The following XXYLT1 variants were observed in gnomAD, a reference collection of about 807,000 sequenced individuals.
The protein encoded by XXYLT1 is xyloside xylosyltransferase 1.
In XXYLT1, 20 loss-of-function variants were observed where a neutral mutation model predicts 28.9. That is an observed-to-expected ratio of 0.69 (90% CI 0.49 to 1.00). XXYLT1 has a LOEUF of 1.00. Ranked by LOEUF, XXYLT1 falls within the 50% of genes least tolerant of loss-of-function variation. The pLI is 0.00. For synonymous variants in XXYLT1, 257 were observed against 253.8 expected (o/e 1.01, Z -0.12); for missense variants, 542 against 560.1 (o/e 0.97, Z 0.33).
chr3:195,113,198 G>A (rs1394793052), intron 3 of XXYLT1, among the ~76,000 whole-genome samples: 1 of 152,294 alleles, frequency 6.6e-6, no homozygotes, highest in African/African-American at 2.4e-5. Context: ...CAGTAAGGAT[G>A]GAGCCGCCTC....
intron 1 of XXYLT1, among the ~76,000 whole-genome samples, chr3:195,265,274 G>A (rs1329143638): frequency 6.6e-6 from 1 of 151,808 alleles, no homozygotes; most frequent in Non-Finnish European, 1.5e-5. Flanking sequence ...GGAGGCTGAG[G>A]CAGGAGAATC....
chr3:195,198,709 AAC>A (rs1261179829), intron 2 of XXYLT1, among the ~76,000 whole-genome samples: 1 of 152,168 alleles, frequency 6.6e-6, no homozygotes, highest in Non-Finnish European at 1.5e-5. Context: ...ACTATTATGC[AAC>A]ACACAACAAA....
chr3:195,262,861 C>A (rs1399129784), intron 1 of XXYLT1, among the ~76,000 whole-genome samples: 3 of 152,178 alleles, frequency 2.0e-5, no homozygotes, highest in African/African-American at 7.2e-5. Flanking sequence ...AAAAGAATGC[C>A]ACTGTTAAAT....
chr3:195,236,713 G>A (rs1409157152), intron 1 of XXYLT1, among the ~76,000 whole-genome samples: 1 of 152,042 alleles, frequency 6.6e-6, no homozygotes, highest in East Asian at 1.9e-4. Flanking sequence ...CCCATCTGAA[G>A]CCAGCAGGTC....
intron 1 of XXYLT1, among the ~76,000 whole-genome samples, chr3:195,232,842 T>A (rs1041621718): frequency 6.6e-6 from 1 of 152,248 alleles, no homozygotes; most frequent in African/African-American, 2.4e-5. Flanking sequence ...AGCAGAAGAA[T>A]GTGTATTCTG....
chr3:195,112,293 G>C (rs913114655), intron 3 of XXYLT1, among the ~76,000 whole-genome samples: 5 of 152,130 alleles, frequency 3.3e-5, no homozygotes, highest in Admixed American at 1.3e-4. Context: ...CTGATGCTTT[G>C]GGGTTCGCAA....
rs999926551 is a variant in XXYLT1 at position 195,270,924 on chromosome 3, C to T, written c.135G>A (p.Arg45=). 4.0e-6 allele frequency: 6 copies of T among 1,486,640 alleles called. No homozygotes were observed. The highest frequency in any genetic ancestry group is 5.4e-6 in the Non-Finnish European group (6 of 1,120,750). 92.1% of individuals were successfully genotyped at this position (1,486,640 alleles called of 1,614,324 possible). ...VCAFYYLGSG[R]ETFSSATKRL... Reference sequence around the variant, plus strand: ...TCTTGGTGGCGCTGGAGAAGGTCTCCCGGCCTGAGCCGAGGTAGTAGAAGG... The same window carrying T: ...TCTTGGTGGCGCTGGAGAAGGTCTCTCGGCCTGAGCCGAGGTAGTAGAAGG... The change falls in exon 1 of 4, where the codon CGG becomes CGA. Residue 45 remains arginine (R), a synonymous_variant. Coordinates refer to ENST00000310380, the MANE Select transcript of XXYLT1 (RefSeq NM_152531.5).
intron 3 of XXYLT1, chr3:195,087,375 A>C (rs1715790887): frequency 6.6e-6 from 1 of 152,308 alleles, no homozygotes; most frequent in Admixed American, 6.5e-5. Context: ...AAATCTCTTG[A>C]AAATCTGCTG....
At chr3:195,101,543 T>C (rs1207224762) in intron 3 of XXYLT1, among the ~76,000 whole-genome samples, 1 of 152,234 alleles carries the variant, frequency 6.6e-6, no homozygotes, top group African/African-American at 2.4e-5. Flanking sequence ...TACTACATAT[T>C]TCAGTGAGAT....
intron 3 of XXYLT1, among the ~76,000 whole-genome samples, chr3:195,082,472 C>A (rs1376884397): frequency 2.0e-5 from 3 of 152,180 alleles, no homozygotes; most frequent in Admixed American, 6.5e-5. Context: ...CCCTGTGTCC[C>A]TGGGACTTCC....
intron 2 of XXYLT1, among the ~76,000 whole-genome samples, chr3:195,224,484 G>C (rs1723963718): frequency 6.6e-6 from 1 of 152,222 alleles, no homozygotes; most frequent in Non-Finnish European, 1.5e-5. Context: ...GAGCTTAGGA[G>C]CTCCCTAACT....
intron 3 of XXYLT1, among the ~76,000 whole-genome samples, chr3:195,099,476 G>A (rs917043762): frequency 6.6e-6 from 1 of 152,192 alleles, no homozygotes; most frequent in African/African-American, 2.4e-5. Context: ...TAATAAAGGT[G>A]TTCACAAGCC....
intron 3 of XXYLT1, among the ~76,000 whole-genome samples, chr3:195,114,218 G>T (rs552565329): frequency 1.3e-5 from 2 of 152,216 alleles, no homozygotes; most frequent in African/African-American, 4.8e-5. Context: ...TCCAGGGAAA[G>T]CTGCATTGGG....
At chr3:195,072,279 T>G (rs1273307963) in intron 3 of XXYLT1, among the ~76,000 whole-genome samples, 1 of 152,142 alleles carries the variant, frequency 6.6e-6, no homozygotes, top group East Asian at 1.9e-4. Context: ...AGATCTACTG[T>G]GGGGTTGAGT....
At chr3:195,259,180 A>G (rs1229370843) in intron 1 of XXYLT1, among the ~76,000 whole-genome samples, 2 of 152,402 alleles carry the variant, frequency 1.3e-5, no homozygotes, top group Non-Finnish European at 2.9e-5. Context: ...TAGTCCCACC[A>G]GCAGAGGATG....
At chr3:195,184,603 C>T (rs1722096294) in intron 2 of XXYLT1, 1 of 985,036 alleles carries the variant, frequency 1.0e-6, no homozygotes, top group African/African-American at 1.7e-5. Flanking sequence ...CCCCAAGAAA[C>T]ATTTAAGTCT....
chr3:195,143,847 T>G lies in XXYLT1; in HGVS notation c.785+12602A>C, dbSNP rs1219989156. On this transcript the variant is annotated intron_variant, in intron 3 of 3. Transcript: ENST00000310380. The stretch of plus-strand genomic sequence containing the variant: ...ATATATATAGATATAGATATAGATA[T>G]ATATATAGATATATATAGATATAGA... Among the ~76,000 whole-genome samples, 452 of 71,304 alleles carry G rather than the reference T, an allele frequency of 6.3e-3. 62 individuals carry two copies. The highest frequency in any genetic ancestry group is 0.021 in the African/African-American group (433 of 20,628). 46.8% of individuals were successfully genotyped at this position (71,304 alleles called of 152,430 possible). A position where few individuals can be genotyped will look rare whatever the true frequency, so the allele number is the denominator to read the frequency against.
chr3:195,141,918 T>C (rs1023745556), intron 3 of XXYLT1, among the ~76,000 whole-genome samples: 1 of 152,270 alleles, frequency 6.6e-6, no homozygotes, highest in Non-Finnish European at 1.5e-5. Flanking sequence ...TTGTTCTCAT[T>C]ATTCTGCCCC....
chr3:195,145,075 C>A (rs115823936), intron 3 of XXYLT1, among the ~76,000 whole-genome samples: 182 of 152,314 alleles, frequency 1.2e-3, no homozygotes, highest in African/African-American at 4.2e-3. Flanking sequence ...TTCACTGCTA[C>A]CCAAGTGAAG....
Sources: gnomAD v4.1 joint callset for allele counts (sites outside exome capture counted in the v4.1 genomes callset) on GRCh38, gnomAD v4.1.1 for gene constraint, MANE v1.5 for transcripts, NCBI Gene and HGNC (gene_info 2026-07-23, HGNC 2026-07-21) for gene names.